Variants in IQCM observed in about 807,000 individuals in gnomAD.
IQCM encodes IQ domain-containing protein M.
IQCM carries 45 observed loss-of-function variants against 57.6 expected under a neutral mutation model. The ratio of observed to expected loss-of-function variants is 0.78; its 90% CI spans 0.62 to 1.00. The LOEUF (loss-of-function observed/expected upper bound fraction) is 1.00. IQCM is among the 50% of genes least tolerant of loss of function. The pLI, the probability that IQCM is intolerant of heterozygous loss-of-function variation, is 0.00. For synonymous variants in IQCM, 148 were observed against 158.9 expected, an observed-to-expected ratio of 0.93 and a Z score of 0.51; for missense variants, 468 against 511.6, an observed-to-expected ratio of 0.91 and a Z score of 0.82.
At chr4:149,655,666 T>G (rs755877363) in intron 7 of IQCM, among the ~76,000 whole-genome samples, 1 of 152,134 alleles carries the variant, frequency 6.6e-6, no homozygotes, top group Non-Finnish European at 1.5e-5. Flanking sequence ...AGTAACTATA[T>G]TGATAAACTT....
rs77790670 is a variant in IQCM at position 149,787,534 on chromosome 4, G to A, written c.-49+27777C>T. On this transcript the variant is annotated intron_variant, in intron 2 of 13. Coordinates refer to ENST00000636793, the MANE Select transcript of IQCM (RefSeq NM_001363507.2). ...ATAGAGAACCTGAAAATAAATCCAT[G>A]TATTTCCAGCTAACTGATTTTTTTT... 4.6e-3 allele frequency among the ~76,000 whole-genome samples: 698 copies of A among 152,098 alleles called. 3 individuals are homozygous for A. Among genetic ancestry groups the A allele is most frequent in the African/African-American group, 0.016 (667 of 41,494 alleles).
At chr4:149,550,908 C>T (rs749023244) in intron 11 of IQCM, among the ~76,000 whole-genome samples, 1 of 152,158 alleles carries the variant, frequency 6.6e-6, no homozygotes, top group Non-Finnish European at 1.5e-5. Flanking sequence ...TGTTCAGCTC[C>T]TATGTTGGAC....
intron 2 of IQCM, among the ~76,000 whole-genome samples, chr4:149,802,631 C>T (rs182454442): frequency 1.4e-4 from 22 of 152,092 alleles, no homozygotes; most frequent in Middle Eastern, 3.4e-3. Flanking sequence ...CTAACTTTGG[C>T]TCAAGTAAAC....
At chr4:149,662,342 T>G (rs939970984) in intron 7 of IQCM, among the ~76,000 whole-genome samples, 2 of 152,068 alleles carry the variant, frequency 1.3e-5, no homozygotes, top group African/African-American at 4.8e-5. Context: ...TGTTGAAACT[T>G]GTTTTGTAGC....
At chr4:149,705,095 T>C (rs1403296919) in intron 5 of IQCM, among the ~76,000 whole-genome samples, 1 of 150,580 alleles carries the variant, frequency 6.6e-6, no homozygotes, top group African/African-American at 2.4e-5. Flanking sequence ...TCAGCCTCCA[T>C]AATCACATGC....
chr4:149,589,107 G>A lies in IQCM; in HGVS notation c.682-1110C>T, dbSNP rs530402453. Among the ~76,000 whole-genome samples, 5 of 152,070 alleles carry A rather than the reference G, an allele frequency of 3.3e-5. No individual in the cohort carries two copies. The South Asian group carries it at 8.3e-4, about 25-fold the overall frequency. On this transcript the variant is annotated intron_variant, in intron 8 of 13. Transcript: ENST00000636793. ...GGTCCAAATGTAAAATTGATAGCTA[G>A]AGGCACTGATGGCTTGCATATCTAC... is the stretch of plus-strand genomic sequence containing the variant.
intron 13 of IQCM, among the ~76,000 whole-genome samples, chr4:149,362,694 T>C (rs1729576499): frequency 6.6e-6 from 1 of 152,176 alleles, no homozygotes; most frequent in Non-Finnish European, 1.5e-5. Context: ...GGTATGTCTT[T>C]ATCAGCAGGC....
chr4:149,628,851 A>G (rs1402154859), intron 7 of IQCM, among the ~76,000 whole-genome samples: 2 of 152,184 alleles, frequency 1.3e-5, no homozygotes, highest in African/African-American at 2.4e-5. Context: ...TTATTCTCAA[A>G]TTTCTTCTGT....
At chr4:149,708,654 T>C (rs878996548) in intron 5 of IQCM, among the ~76,000 whole-genome samples, 1 of 152,062 alleles carries the variant, frequency 6.6e-6, no homozygotes, top group Admixed American at 6.6e-5. Flanking sequence ...TACATGATTA[T>C]TTCTCTCCAG....
At chr4:149,609,613 CA>C (rs1755101285) in intron 8 of IQCM, among the ~76,000 whole-genome samples, 1 of 151,572 alleles carries the variant, frequency 6.6e-6, no homozygotes, top group Non-Finnish European at 1.5e-5. Flanking sequence ...TACATCATAC[CA>C]ACAGAATGAA....
chr4:149,766,295 T>C (rs1346477339), intron 2 of IQCM, among the ~76,000 whole-genome samples: 1 of 152,162 alleles, frequency 6.6e-6, no homozygotes, highest in Non-Finnish European at 1.5e-5. Flanking sequence ...ATACTCTGTG[T>C]TCTTGGAAAA....
chr4:149,636,865 C>T (rs56015020), intron 7 of IQCM, among the ~76,000 whole-genome samples: 1,867 of 152,174 alleles, frequency 0.012, 19 homozygotes, highest in Middle Eastern at 0.034. Flanking sequence ...ATTTAGCGGC[C>T]GGGCGCGGTG....
intron 12 of IQCM, among the ~76,000 whole-genome samples, chr4:149,434,611 T>C (rs1735175095): frequency 6.6e-6 from 1 of 152,106 alleles, no homozygotes; most frequent in African/African-American, 2.4e-5. Context: ...TATGACATGA[T>C]TTGATGGCAA....
chr4:149,618,436 G>A (rs1273125808), intron 8 of IQCM, among the ~76,000 whole-genome samples: 1 of 152,018 alleles, frequency 6.6e-6, no homozygotes, highest in Non-Finnish European at 1.5e-5. Context: ...CTGGACATTG[G>A]CCTAGGCAAA....
chr4:149,617,500 G>C (rs746859111), intron 8 of IQCM, among the ~76,000 whole-genome samples: 3 of 151,884 alleles, frequency 2.0e-5, no homozygotes, highest in Non-Finnish European at 4.4e-5. Flanking sequence ...GGTACACAAG[G>C]GTAAGATATA....
intron 2 of IQCM, among the ~76,000 whole-genome samples, chr4:149,755,393 C>T (rs1043983852): frequency 1.1e-4 from 16 of 152,176 alleles, no homozygotes; most frequent in South Asian, 2.1e-4. Context: ...GCCCCTCAAT[C>T]CCTCTCCTGG....
chr4:149,367,927 C>T (rs1270515123), intron 13 of IQCM, among the ~76,000 whole-genome samples: 1 of 152,012 alleles, frequency 6.6e-6, no homozygotes, highest in African/African-American at 2.4e-5. Flanking sequence ...TTGATAGCTG[C>T]TGCATTTTTG....
chr4:149,659,234 T>C (rs1412627065), intron 7 of IQCM, among the ~76,000 whole-genome samples: 2 of 152,028 alleles, frequency 1.3e-5, no homozygotes, highest in Non-Finnish European at 2.9e-5. Context: ...CCATTCACAA[T>C]TGCTTCAAAG....
At chr4:149,719,622 G>T (rs979610676) in intron 5 of IQCM, among the ~76,000 whole-genome samples, 1 of 152,160 alleles carries the variant, frequency 6.6e-6, no homozygotes, top group African/African-American at 2.4e-5. Flanking sequence ...AATGTCATCA[G>T]TACTTCATCT....
Sources: gnomAD v4.1 joint callset for allele counts (sites outside exome capture counted in the v4.1 genomes callset) on GRCh38, gnomAD v4.1.1 for gene constraint, MANE v1.5 for transcripts, NCBI Gene and HGNC (gene_info 2026-07-23, HGNC 2026-07-21) for gene names.